Variants in CRYBG3 observed in about 807,000 individuals in gnomAD.
CRYBG3 encodes very large A-kinase anchor protein.
Under a neutral mutation model 244.2 loss-of-function variants are expected in CRYBG3, and 127 were observed. The observed-to-expected ratio is 0.52, with a 90% CI of 0.45 to 0.60. CRYBG3 has a LOEUF of 0.60. CRYBG3 is among the 20% of genes least tolerant of loss of function. CRYBG3 has a pLI of 0.00. For synonymous variants in CRYBG3, 1,132 were observed against 1,195.8 expected (o/e 0.95, Z 1.10); for missense variants, 3,325 against 3,442.5 (o/e 0.97, Z 0.85).
chr3:97,854,591 ATTTT>A (rs36107870), intron 2 of CRYBG3, among the ~76,000 whole-genome samples: 1 of 137,062 alleles, frequency 7.3e-6, no homozygotes, highest in Admixed American at 7.2e-5. Flanking sequence ...ACTCCTAAGT[ATTTT>A]TTTTTTTTTT....
chr3:97,896,849 T>C (rs1280669146), intron 12 of CRYBG3, among the ~76,000 whole-genome samples: 1 of 152,100 alleles, frequency 6.6e-6, no homozygotes, highest in Non-Finnish European at 1.5e-5. Flanking sequence ...AGTGCTGAGA[T>C]TGAGAAACCC....
Position 97,915,675 on chromosome 3 carries a change from C to G in CRYBG3, c.8180C>G (p.Ala2727Gly). ...NHCVLEEGLYADLTSCGCPAS... is the reference protein window; with the variant it reads ...NHCVLEEGLYGDLTSCGCPAS... ...TGTGTGTTAGAAGAAGGCCTCTATG[C>G]TGACCTTACTTCCTGCGGTTGCCCA... is the stretch of plus-strand genomic sequence containing the variant. The change falls in exon 17 of 22, where the codon GCT (alanine) becomes GGT (glycine). Residue 2727 changes from alanine to glycine, a missense_variant. Physicochemically the swap from Ala to Gly is moderately conservative, Grantham distance 60. Around this residue, in one of 4 missense-constraint regions of CRYBG3, gnomAD observed 714 missense variants for 803.6 expected, o/e 0.89. Transcript: ENST00000389622. The G allele has an allele frequency of 6.2e-7, 1 of 1,613,030 alleles. No homozygotes were observed. Among genetic ancestry groups the G allele is most frequent in the South Asian group, 1.1e-5 (1 of 91,016 alleles).
Position 97,877,240 on chromosome 3 carries a change from G to A in CRYBG3, c.6046G>A (p.Ala2016Thr), listed in dbSNP as rs373912145. The A allele has an allele frequency of 5.0e-6, 8 of 1,613,624 alleles. No individual in the cohort carries two copies. The highest frequency in any genetic ancestry group is 1.6e-4 in the Middle Eastern group (1 of 6,072). The change falls in exon 4 of 22, where the codon GCA becomes ACA. Residue 2016 changes from alanine (A) to threonine (T), a missense_variant. This residue lies in a region of CRYBG3 where 450 missense variants were observed against 424.1 expected (regional missense o/e 1.06). Transcript: ENST00000389622. ...TCAAGAGGAGGACAAGTATGCTTCCGCAGAAGCAAGACAAACACAGTCTGT... is the reference window on the plus strand; with the variant it reads ...TCAAGAGGAGGACAAGTATGCTTCCACAGAAGCAAGACAAACACAGTCTGT... The part of the protein sequence containing the change: ...PLQEEDKYAS[A>T]EARQTQSVLF...
chr3:97,936,697 A>G, intron 18 of CRYBG3, 88 bp from the exon 19 acceptor site: 1 of 1,358,938 alleles, frequency 7.4e-7, no homozygotes, highest in Non-Finnish European at 1.0e-6. Context: ...GAAGTTTATG[A>G]ACCCTATAAG....
chr3:97,888,571 T>C lies in CRYBG3; in HGVS notation c.7404+116T>C. ...TCAAGTGAATATGTGTACTACTGAATTGGCAAACTATTGTACTGTAGTGCC... is the reference window on the plus strand; with the variant it reads ...TCAAGTGAATATGTGTACTACTGAACTGGCAAACTATTGTACTGTAGTGCC... On this transcript the variant is annotated intron_variant, in intron 9 of 21. Transcript: ENST00000389622. 4 of 718,552 alleles carry C rather than the reference T, an allele frequency of 5.6e-6. No homozygotes were observed. In the South Asian group the frequency reaches 6.4e-5, roughly 11 times the overall value. The allele number at this position is 718,552 out of a possible 1,614,324, so 44.5% of individuals were successfully genotyped here. A position where few individuals can be genotyped will look rare whatever the true frequency, so the allele number is the denominator to read the frequency against.
rs771173818 is a variant in CRYBG3 at position 97,864,496 on chromosome 3, G to A, written c.496G>A (p.Gly166Arg). 103 of 1,535,752 alleles carry A rather than the reference G, an allele frequency of 6.7e-5. 1 individual carries two copies. The highest frequency in any genetic ancestry group is 5.0e-4 in the Middle Eastern group (3 of 6,012). ...LQNPSDHHEDGIKREREIFSG... is the reference protein window; with the variant it reads ...LQNPSDHHEDRIKREREIFSG... ...AAATCCCAGTGACCATCATGAAGACGGGATCAAAAGGGAGAGAGAGATTTT... is the reference window on the plus strand; with the variant it reads ...AAATCCCAGTGACCATCATGAAGACAGGATCAAAAGGGAGAGAGAGATTTT... Residue 166 changes from glycine to arginine, a missense_variant, in exon 3 of 22, where the codon GGG becomes AGG. Physicochemically the swap from Gly to Arg is moderately radical, Grantham distance 125. This residue lies in a region of CRYBG3 where 1,526 missense variants were observed against 1,443.2 expected (regional missense o/e 1.06). Transcript: ENST00000389622.
chr3:97,941,364 C>CT, intron 20 of CRYBG3, 58 bp downstream of exon 20: 7 of 1,269,366 alleles, frequency 5.5e-6, no homozygotes, highest in Non-Finnish European at 6.4e-6. Flanking sequence ...ATTTTGAAAA[C>CT]TAGAATCCTG....
rs148902182 is a variant in CRYBG3, at chr3:97,874,720, G to A, written c.3526G>A (p.Ala1176Thr). 48 of 1,535,792 alleles carry A rather than the reference G, an allele frequency of 3.1e-5. No homozygotes were observed. The East Asian group carries it at 1.2e-3, about 38-fold the overall frequency. Reference sequence around the variant, plus strand: ...AGGCCAACAGTGTTCTGAAGCCTCTGCTGAGCACATAGAAGCCAGGAGAAG... The same window carrying A: ...AGGCCAACAGTGTTCTGAAGCCTCTACTGAGCACATAGAAGCCAGGAGAAG... ...SSGQQCSEAS[A>T]EHIEARRRAH... The change falls in exon 4 of 22, where the codon GCT becomes ACT. Residue 1176 changes from alanine to threonine, a missense_variant. By Grantham distance (58) the Ala-to-Thr change is moderately conservative (BLOSUM62 0). This residue lies in a region of CRYBG3 where 1,526 missense variants were observed against 1,443.2 expected (regional missense o/e 1.06). Transcript: ENST00000389622.
chr3:97,943,216 T>C lies in CRYBG3; in HGVS notation c.8825-10T>C. The C allele has an allele frequency of 6.7e-7, 1 of 1,499,912 alleles. No individual in the cohort carries two copies. Among genetic ancestry groups the C allele is most frequent in the Non-Finnish European group, 9.2e-7 (1 of 1,088,094 alleles). The allele number at this position is 1,499,912 out of a possible 1,614,324, so 92.9% of individuals were successfully genotyped here. On this transcript the variant is annotated splice_polypyrimidine_tract_variant and intron_variant, in intron 21 of 21. Transcript: ENST00000389622. ...ACAAATAATCTTTTCTTTTGGAATTTCTATTTTAGGAGGAAATTATTGTGA... is the reference window on the plus strand; with the variant it reads ...ACAAATAATCTTTTCTTTTGGAATTCCTATTTTAGGAGGAAATTATTGTGA...
intron 1 of CRYBG3, among the ~76,000 whole-genome samples, chr3:97,829,695 A>AT (rs2038628179): frequency 6.6e-6 from 1 of 152,202 alleles, no homozygotes; most frequent in African/African-American, 2.4e-5. Context: ...AAAAGAATTA[A>AT]TTTAGTGTCG....
chr3:97,936,639 TG>T, intron 18 of CRYBG3, 145 bp from the exon 19 acceptor site: 1 of 758,748 alleles, frequency 1.3e-6, no homozygotes, highest in Non-Finnish European at 2.0e-6. Context: ...TATACCTCCC[TG>T]ATTTTTGTTA....
intron 9 of CRYBG3, among the ~76,000 whole-genome samples, chr3:97,888,954 G>C (rs1038531572): frequency 6.6e-6 from 1 of 152,188 alleles, no homozygotes; most frequent in Middle Eastern, 3.2e-3. Context: ...AAGACCTTTG[G>C]ATTAGCTGGC....
intron 15 of CRYBG3, among the ~76,000 whole-genome samples, chr3:97,903,316 C>G (rs1172885813): frequency 6.6e-6 from 1 of 152,140 alleles, no homozygotes; most frequent in African/African-American, 2.4e-5. Context: ...GAAAACACTT[C>G]TTTGTGGCAC....
At chr3:97,827,186 T>A (rs1458290373) in intron 1 of CRYBG3, among the ~76,000 whole-genome samples, 1 of 152,170 alleles carries the variant, frequency 6.6e-6, no homozygotes, top group Admixed American at 6.5e-5. Flanking sequence ...TGCTTTTTTT[T>A]TGATGGAAAG....
At chr3:97,835,664 ATT>A (rs780984845) in intron 1 of CRYBG3, among the ~76,000 whole-genome samples, 21 of 152,082 alleles carry the variant, frequency 1.4e-4, no homozygotes, top group East Asian at 1.2e-3. Context: ...CCACACATAT[ATT>A]ATCTGTTTAT....
Position 97,822,302 on chromosome 3 carries a change from G to A in CRYBG3, c.96G>A (p.Glu32=), listed in dbSNP as rs1296256300. The A allele has an allele frequency of 5.9e-6, 9 of 1,527,182 alleles. No individual in the cohort carries two copies. The Admixed American group carries it at 8.0e-5, about 14-fold the overall frequency. 94.6% of individuals were successfully genotyped at this position (1,527,182 alleles called of 1,614,324 possible). Residue 32 remains glutamate (E), a synonymous_variant, in exon 1 of 22, where the codon GAG becomes GAA. Transcript: ENST00000389622. ...CTTCCCGGGACAAGGAAGAGGAAGAGGAGGAGAGGCCGGGGACGAGCCCGC... is the reference window on the plus strand; with the variant it reads ...CTTCCCGGGACAAGGAAGAGGAAGAAGAGGAGAGGCCGGGGACGAGCCCGC... The part of the protein sequence containing the change: ...RSPSRDKEEE[E]EERPGTSPPP...
At position 97,877,112 on chromosome 3, in the gene CRYBG3, A is replaced by G. The variant is rs78455547; in HGVS notation, c.5918A>G (p.Lys1973Arg). 6.2e-7 allele frequency: 1 copy of G among 1,613,572 alleles called. No homozygotes were observed. Among genetic ancestry groups the G allele is most frequent in the Non-Finnish European group, 8.5e-7 (1 of 1,179,690 alleles). ...KRMSLTAIYD[K>R]RRETDYSDKG... is the part of the protein sequence containing the mutation. ...ATGTCTCTTACTGCAATATATGACA[A>G]GAGGAGAGAGACAGATTATAGTGAC... The change falls in exon 4 of 22, where the codon AAG (lysine) becomes AGG (arginine). Residue 1973 changes from lysine (K) to arginine (R), a missense_variant. Around this residue, in one of 4 missense-constraint regions of CRYBG3, gnomAD observed 450 missense variants for 424.1 expected, o/e 1.06. Transcript: ENST00000389622.
chr3:97,844,706 GTT>G (rs908441321), intron 2 of CRYBG3, among the ~76,000 whole-genome samples: 4 of 152,150 alleles, frequency 2.6e-5, no homozygotes, highest in Non-Finnish European at 4.4e-5. Flanking sequence ...CAGTAGTGCT[GTT>G]TTCCACCTGC....
intron 16 of CRYBG3, among the ~76,000 whole-genome samples, chr3:97,912,670 A>G (rs1157800179): frequency 1.3e-5 from 2 of 152,110 alleles, no homozygotes; most frequent in Non-Finnish European, 2.9e-5. Flanking sequence ...TATCATCCCC[A>G]TTTCACAGAT....
Sources: gnomAD v4.1 joint callset for allele counts (sites outside exome capture counted in the v4.1 genomes callset) on GRCh38, gnomAD v4.1.1 for gene constraint, gnomAD v4.1.1 regional missense constraint, MANE v1.5 for transcripts, NCBI Gene and HGNC (gene_info 2026-07-23, HGNC 2026-07-21) for gene names.